Variants in CCDC169 observed in about 807,000 individuals in gnomAD.
CCDC169 encodes coiled-coil domain containing 169.
Under a neutral mutation model 36.0 loss-of-function variants are expected in CCDC169, and 30 were observed. The observed-to-expected ratio is 0.83, with a 90% CI of 0.62 to 1.13. The LOEUF (loss-of-function observed/expected upper bound fraction) is 1.13. Ranked by LOEUF, CCDC169 falls within the 50% of genes most tolerant of loss-of-function variation. CCDC169 has a pLI of 0.00. For missense variants in CCDC169, 245 were observed against 245.9 expected, an observed-to-expected ratio of 1.00 and a Z score of 0.03; for synonymous variants, 85 against 81.5, an observed-to-expected ratio of 1.04 and a Z score of -0.23.
intron 6 of CCDC169, among the ~76,000 whole-genome samples, chr13:36,252,436 A>G (rs1873287556): frequency 6.6e-6 from 1 of 152,134 alleles, no homozygotes; most frequent in Non-Finnish European, 1.5e-5. Flanking sequence ...CCCCAAACCT[A>G]ATGCCCTTCC....
chr13:36,245,908 A>G (rs948392951), intron 7 of CCDC169, among the ~76,000 whole-genome samples: 1 of 152,206 alleles, frequency 6.6e-6, no homozygotes, highest in Non-Finnish European at 1.5e-5. Flanking sequence ...AATTCTCACA[A>G]TATTTCAAAC....
intron 4 of CCDC169, among the ~76,000 whole-genome samples, chr13:36,277,318 T>C (rs983716410): frequency 6.6e-6 from 1 of 150,556 alleles, no homozygotes; most frequent in African/African-American, 2.4e-5. Context: ...TGTCAGGGGG[T>C]AGGGTGGGGG....
downstream of CCDC169, chr13:36,224,832 G>C (rs1419192037): frequency 1.3e-5 from 2 of 152,082 alleles, no homozygotes; most frequent in Non-Finnish European, 2.9e-5. Flanking sequence ...CGAATAGCCA[G>C]AGCAATCTTA....
At chr13:36,265,301 T>C (rs1386341469) in intron 4 of CCDC169, among the ~76,000 whole-genome samples, 1 of 152,202 alleles carries the variant, frequency 6.6e-6, no homozygotes, top group African/African-American at 2.4e-5. Flanking sequence ...GACGACAAGA[T>C]TGACAACTTT....
At chr13:36,265,319 T>A (rs1224049921) in intron 4 of CCDC169, among the ~76,000 whole-genome samples, 1 of 152,236 alleles carries the variant, frequency 6.6e-6, no homozygotes, top group Admixed American at 6.5e-5. Flanking sequence ...TTTCAAGATA[T>A]ATACACGTTC....
At chr13:36,280,626 T>C (rs1277192483) in intron 4 of CCDC169, 3 of 152,352 alleles carry the variant, frequency 2.0e-5, no homozygotes, top group African/African-American at 7.2e-5. Flanking sequence ...TTTTTCACTT[T>C]GTTTGTTGGC....
intron 4 of CCDC169, among the ~76,000 whole-genome samples, chr13:36,264,931 C>G (rs1158523036): frequency 6.6e-6 from 1 of 152,142 alleles, no homozygotes; most frequent in Non-Finnish European, 1.5e-5. Flanking sequence ...AATCTGTGTT[C>G]TGGTGGTGTT....
At chr13:36,272,294 T>A (rs1442424413) in intron 4 of CCDC169, among the ~76,000 whole-genome samples, 2 of 151,894 alleles carry the variant, frequency 1.3e-5, no homozygotes, top group African/African-American at 4.8e-5. Flanking sequence ...CAGGGAACTT[T>A]AAGTTGAAGT....
intron 4 of CCDC169, among the ~76,000 whole-genome samples, chr13:36,255,886 A>C (rs1282202406): frequency 6.6e-6 from 1 of 152,074 alleles, no homozygotes; most frequent in Admixed American, 6.5e-5. Flanking sequence ...CCCAATCCCC[A>C]TTCACTGCCA....
At chr13:36,287,807 T>G (rs1878427085) in intron 2 of CCDC169, among the ~76,000 whole-genome samples, 1 of 152,200 alleles carries the variant, frequency 6.6e-6, no homozygotes, top group Admixed American at 6.5e-5. Flanking sequence ...ATAAAGGTTC[T>G]AAGACTTTAA....
At chr13:36,293,206 T>C (rs541173178) in intron 2 of CCDC169, among the ~76,000 whole-genome samples, 1 of 152,232 alleles carries the variant, frequency 6.6e-6, no homozygotes, top group South Asian at 2.1e-4. Context: ...TAAAACACCT[T>C]TAATATTGCC....
intron 2 of CCDC169, among the ~76,000 whole-genome samples, chr13:36,291,978 C>T (rs1594094930): frequency 6.8e-6 from 1 of 147,716 alleles, no homozygotes; most frequent in South Asian, 2.2e-4. Context: ...TGTGTGTTGT[C>T]AATAAGTCTT....
chr13:36,291,614 T>A (rs995667959), intron 2 of CCDC169, among the ~76,000 whole-genome samples: 1 of 152,220 alleles, frequency 6.6e-6, no homozygotes, highest in South Asian at 2.1e-4. Context: ...ACTTCCTCTC[T>A]AATAGCTATA....
intron 2 of CCDC169, among the ~76,000 whole-genome samples, chr13:36,294,632 C>T (rs1161717507): frequency 6.6e-6 from 1 of 152,074 alleles, no homozygotes; most frequent in East Asian, 1.9e-4. Context: ...GAAGGTAAGG[C>T]TTTATTCGGC....
chr13:36,288,375 G>A (rs1410132594), intron 2 of CCDC169, among the ~76,000 whole-genome samples: 3 of 152,160 alleles, frequency 2.0e-5, no homozygotes, highest in Non-Finnish European at 4.4e-5. Flanking sequence ...AAGTAATCTA[G>A]ATAAACTATT....
chr13:36,245,325 T>C (rs1012684693), intron 7 of CCDC169, among the ~76,000 whole-genome samples: 6 of 152,000 alleles, frequency 3.9e-5, no homozygotes, highest in African/African-American at 1.4e-4. Context: ...TAAGAGACAG[T>C]GTCTTGCTCT....
At chr13:36,285,336 G>A (rs1878044496) in intron 2 of CCDC169, among the ~76,000 whole-genome samples, 1 of 151,984 alleles carries the variant, frequency 6.6e-6, no homozygotes, top group Admixed American at 6.6e-5. Context: ...ATCACTTGAG[G>A]TCAGGAGTTC....
chr13:36,250,029 C>T (rs1161162723), intron 6 of CCDC169, among the ~76,000 whole-genome samples: 1 of 152,124 alleles, frequency 6.6e-6, no homozygotes, highest in African/African-American at 2.4e-5. Context: ...GGTACAAAGA[C>T]AAACGGGTTA....
chr13:36,240,557 A>G (rs1871679545), intron 7 of CCDC169: 1 of 1,187,016 alleles, frequency 8.4e-7, no homozygotes, highest in Non-Finnish European at 1.1e-6. Context: ...GCCCCTAACA[A>G]TCTGTCTCTT....
Sources: gnomAD v4.1 joint callset for allele counts (sites outside exome capture counted in the v4.1 genomes callset) on GRCh38, gnomAD v4.1.1 for gene constraint, MANE v1.5 for transcripts, NCBI Gene and HGNC (gene_info 2026-07-23, HGNC 2026-07-21) for gene names.